SPINK5: variants seen among roughly 807,000 people sequenced by gnomAD.
SPINK5 encodes the protein serine peptidase inhibitor Kazal type 5.
SPINK5 carries 125 observed loss-of-function variants against 151.8 expected under a neutral mutation model. The ratio of observed to expected loss-of-function variants is 0.82; its 90% confidence interval spans 0.71 to 0.96. The LOEUF is 0.96. SPINK5 is among the 40% of genes least tolerant of loss of function. The probability of loss-of-function intolerance (pLI) is 0.00; values close to 1 mark genes in which losing one functional copy is unlikely to be tolerated. For missense variants in SPINK5, 1,194 were observed against 1,291.9 expected, an observed-to-expected ratio of 0.92 and a Z score of 1.16; for synonymous variants, 374 against 395.3, an observed-to-expected ratio of 0.95 and a Z score of 0.64.
chr5:148,072,859 T>TAAGA, intron 4 of SPINK5, among the ~76,000 whole-genome samples: 1 of 106,940 alleles, frequency 9.4e-6, no homozygotes, highest in Non-Finnish European at 1.9e-5. Context: ...AGAAAAGTGT[T>TAAGA]CTCTGGTAAA....
intron 22 of SPINK5, among the ~76,000 whole-genome samples, chr5:148,118,029 G>T (rs1260437908): frequency 1.3e-5 from 2 of 151,958 alleles, no homozygotes; most frequent in African/African-American, 4.8e-5. Context: ...TTGTTTGTTT[G>T]TTTGTTTGAG....
chr5:148,118,145 A>G (rs1424117712), intron 22 of SPINK5, among the ~76,000 whole-genome samples: 2 of 152,072 alleles, frequency 1.3e-5, no homozygotes, highest in Non-Finnish European at 2.9e-5. Flanking sequence ...CAGCCTCCCA[A>G]GTAGCTGGGA....
intron 3 of SPINK5, among the ~76,000 whole-genome samples, chr5:148,070,783 A>G (rs1231500072): frequency 2.0e-5 from 3 of 152,110 alleles, no homozygotes; most frequent in Non-Finnish European, 4.4e-5. Context: ...AAAGAAAGTC[A>G]GATTCCTTGG....
chr5:148,113,001 C>T, intron 20 of SPINK5, 67 bp downstream of exon 20: 1 of 1,594,780 alleles, frequency 6.3e-7, no homozygotes, highest in South Asian at 1.1e-5. Context: ...GTAAAAATAA[C>T]TATGGAATTA....
At chr5:148,124,742 C>CTTTT (rs3036731) in intron 27 of SPINK5, 23 bp from the exon 28 acceptor site, 2 of 1,373,984 alleles carry the variant, frequency 1.5e-6, no homozygotes, top group South Asian at 1.4e-5. Flanking sequence ...ATTACCCTAT[C>CTTTT]TTTTTTTTTA....
rs779301804 is a variant in SPINK5 at position 148,095,803 on chromosome 5, T to C, written c.795-15T>C. The stretch of plus-strand genomic sequence containing the variant: ...GATCGGAAGCATCTCTACTCATTTA[T>C]TTTACTTTTTCCAGCAAGCAGCGTT... On this transcript the variant is annotated splice_polypyrimidine_tract_variant and intron_variant, in intron 9 of 32. Transcript: ENST00000256084. 1 of 1,602,372 alleles carries C rather than the reference T, an allele frequency of 6.2e-7. No individual in the cohort carries two copies. The highest frequency in any genetic ancestry group is 1.7e-5 in the Admixed American group (1 of 59,772).
intron 10 of SPINK5, 75 bp downstream of exon 10, chr5:148,095,980 T>G (rs1753448876): frequency 2.7e-6 from 3 of 1,127,130 alleles, no homozygotes; most frequent in Admixed American, 3.5e-5. Context: ...GAGTGCATAT[T>G]ACATAGTATG....
chr5:148,110,771 C>A (rs759756958), intron 18 of SPINK5, among the ~76,000 whole-genome samples: 1 of 151,844 alleles, frequency 6.6e-6, no homozygotes, highest in Non-Finnish European at 1.5e-5. Context: ...ATGCAAATAT[C>A]TAATATTAGC....
At chr5:148,072,836 A>G (rs1293075475) in intron 4 of SPINK5, among the ~76,000 whole-genome samples, 3 of 149,020 alleles carry the variant, frequency 2.0e-5, no homozygotes, top group Admixed American at 1.4e-4. Context: ...GACTCAGGCT[A>G]ATATTTTGTT....
At chr5:148,080,957 A>G (rs1753003157) in intron 4 of SPINK5, among the ~76,000 whole-genome samples, 1 of 151,582 alleles carries the variant, frequency 6.6e-6, no homozygotes, top group Admixed American at 6.6e-5. Flanking sequence ...TAAGGAGACA[A>G]TTCAATTAAG....
intron 24 of SPINK5, 88 bp downstream of exon 24, chr5:148,119,146 A>T (rs1251978687): frequency 5.4e-6 from 7 of 1,296,092 alleles, no homozygotes; most frequent in Middle Eastern, 1.8e-4. Flanking sequence ...TGTCAACATG[A>T]TCAAGCTAGA....
In SPINK5 at chr5:148,125,703, T is replaced by A; in HGVS notation, c.2740-20T>A. 6.2e-7 allele frequency: 1 copy of A among 1,614,234 alleles called. No individual in the cohort carries two copies. Among genetic ancestry groups the A allele is most frequent in the Non-Finnish European group, 8.5e-7 (1 of 1,180,034 alleles). On this transcript the variant is annotated intron_variant, in intron 28 of 32. Transcript: ENST00000256084. ...AAAAAGGGACAAAGCCATGTTCACT[T>A]TCCCTTTCTCATTTTCTAGGATGAG...
At chr5:148,125,482 A>C (rs140602984) in intron 28 of SPINK5, 2 of 1,557,216 alleles carry the variant, frequency 1.3e-6, no homozygotes, top group Non-Finnish European at 1.8e-6. Flanking sequence ...AAAAACAGGA[A>C]GGTCTATCAA....
At chr5:148,098,824 C>T (rs1198433014) in intron 11 of SPINK5, among the ~76,000 whole-genome samples, 1 of 151,926 alleles carries the variant, frequency 6.6e-6, no homozygotes, top group East Asian at 1.9e-4. Flanking sequence ...GTAGCAAAGA[C>T]CCCCTCTACC....
At chr5:148,114,273 T>A in intron 20 of SPINK5, 89 bp from the exon 21 acceptor site, 1 of 1,383,480 alleles carries the variant, frequency 7.2e-7, no homozygotes, top group Non-Finnish European at 9.6e-7. Flanking sequence ...TCTCTCTCTT[T>A]TTTTTTTTTC....
chr5:148,095,095 T>C (rs1343512346), intron 9 of SPINK5, among the ~76,000 whole-genome samples: 1 of 151,966 alleles, frequency 6.6e-6, no homozygotes, highest in African/African-American at 2.4e-5. Flanking sequence ...CCTCCTCTTG[T>C]AGATTACATT....
intron 18 of SPINK5, among the ~76,000 whole-genome samples, chr5:148,109,705 T>C (rs1753871104): frequency 6.6e-6 from 1 of 152,134 alleles, no homozygotes; most frequent in Non-Finnish European, 1.5e-5. Context: ...TCTTTTGTCC[T>C]TCTGTGATTT....
At chr5:148,096,853 C>T (rs890807142) in intron 10 of SPINK5, among the ~76,000 whole-genome samples, 1 of 150,562 alleles carries the variant, frequency 6.6e-6, no homozygotes, top group African/African-American at 2.4e-5. Context: ...TGACTTCCCA[C>T]TCTCAAGCTA....
intron 4 of SPINK5, among the ~76,000 whole-genome samples, chr5:148,076,769 A>C (rs1752892539): frequency 6.6e-6 from 1 of 151,714 alleles, no homozygotes; most frequent in African/African-American, 2.4e-5. Context: ...AGACAGAATA[A>C]TTTTTAAAAA....
Sources: gnomAD v4.1 joint callset for allele counts (sites outside exome capture counted in the v4.1 genomes callset) on GRCh38, gnomAD v4.1.1 for gene constraint, MANE v1.5 for transcripts, NCBI Gene and HGNC (gene_info 2026-07-23, HGNC 2026-07-21) for gene names.